The following UBE2O variants were observed in gnomAD, a reference collection of about 807,000 sequenced individuals.
The protein encoded by UBE2O is (E3-independent) E2 ubiquitin-conjugating enzyme.
UBE2O carries 15 observed loss-of-function variants against 125.8 expected under a neutral mutation model. The observed-to-expected ratio is 0.12, with a 90% CI of 0.08 to 0.18. The LOEUF is 0.18. UBE2O is among the 10% of genes least tolerant of loss of function. The probability of loss-of-function intolerance (pLI) is 1.00; values close to 1 mark genes in which losing one functional copy is unlikely to be tolerated. For synonymous variants in UBE2O, 708 were observed against 703.2 expected (o/e 1.01, Z -0.11); for missense variants, 1,280 against 1,723.6 (o/e 0.74, Z 4.56).
chr17:76,401,332 C>T (rs572458839), intron 5 of UBE2O, among the ~76,000 whole-genome samples, 178 bp from the exon 6 acceptor site: 2 of 152,312 alleles, frequency 1.3e-5, no homozygotes, highest in Non-Finnish European at 2.9e-5. Context: ...CCTGGGTCCG[C>T]AGAGGTCATC....
chr17:76,412,990 T>C (rs922065180), intron 1 of UBE2O, among the ~76,000 whole-genome samples: 4 of 152,064 alleles, frequency 2.6e-5, no homozygotes, highest in African/African-American at 9.7e-5. Context: ...CCTAGGTGAC[T>C]GGAAGACAGG....
At chr17:76,445,916 G>C (rs2073143047) in intron 1 of UBE2O, among the ~76,000 whole-genome samples, 1 of 152,166 alleles carries the variant, frequency 6.6e-6, no homozygotes, top group Admixed American at 6.5e-5. Context: ...AATGTGGATG[G>C]GCAGCATTTA....
In UBE2O at chr17:76,389,572, G is replaced by A. The variant is rs1192542392; in HGVS notation, c.*1371C>T. On this transcript the variant is annotated 3_prime_UTR_variant, in exon 18 of 18. Coordinates refer to ENST00000319380, the MANE Select transcript of UBE2O (RefSeq NM_022066.4). ...GTTTAATCACACAGCACTTTATACAGATATCGTAAGCAGTAGGCATTCACA... is the reference window on the plus strand; with the variant it reads ...GTTTAATCACACAGCACTTTATACAAATATCGTAAGCAGTAGGCATTCACA... 6.7e-6 allele frequency: 1 copy of A among 148,880 alleles called. No individual in the cohort carries two copies. Among genetic ancestry groups the A allele is most frequent in the Non-Finnish European group, 1.5e-5 (1 of 67,638 alleles). The allele number at this position is 148,880 out of a possible 1,614,324, so 9.2% of individuals were successfully genotyped here.
intron 1 of UBE2O, among the ~76,000 whole-genome samples, chr17:76,447,842 G>C: frequency 6.6e-6 from 1 of 152,148 alleles, no homozygotes; most frequent in East Asian, 1.9e-4. Context: ...CTTTCTCATG[G>C]AAGTGATCTT....
intron 1 of UBE2O, among the ~76,000 whole-genome samples, chr17:76,435,591 C>A (rs2072983697): frequency 1.3e-5 from 2 of 152,188 alleles, no homozygotes; most frequent in South Asian, 4.1e-4. Flanking sequence ...GCAGCAGTGA[C>A]CACTGGTCAG....
intron 1 of UBE2O, among the ~76,000 whole-genome samples, chr17:76,407,861 C>T (rs1272896680): frequency 1.3e-5 from 2 of 152,226 alleles, no homozygotes; most frequent in African/African-American, 4.8e-5. Flanking sequence ...GATGCTGCCT[C>T]CAGGGGCTCT....
At position 76,391,165 on chromosome 17, in the gene UBE2O, A is replaced by T. The variant is rs2072105482; in HGVS notation, c.3657T>A (p.Thr1219=). Residue 1219 remains threonine (T), a synonymous_variant, in exon 18 of 18, where the codon ACT becomes ACA. Coordinates refer to ENST00000319380, the MANE Select transcript of UBE2O (RefSeq NM_022066.4). This position sits in a 1 kb window ranked among gnomAD's most constrained non-coding sequence, Gnocchi z 8.4. ...CCGATGCGTCTGGTGCGGTCTCCGA[A>T]GTCTGGTCTGTGTGGTCCCTGCTAG... ...ASASRDHTDQ[T]SETAPDASVP... 9 of 1,613,596 alleles carry T rather than the reference A, an allele frequency of 5.6e-6. No homozygotes were observed. The highest frequency in any genetic ancestry group is 1.7e-4 in the Middle Eastern group (1 of 6,060).
intron 1 of UBE2O, among the ~76,000 whole-genome samples, chr17:76,442,282 C>G (rs1454763178): frequency 6.6e-6 from 1 of 152,162 alleles, no homozygotes; most frequent in African/African-American, 2.4e-5. Flanking sequence ...GCCCATACGT[C>G]CCAGTCCTGG....
At chr17:76,444,549 A>G (rs2073125060) in intron 1 of UBE2O, among the ~76,000 whole-genome samples, 1 of 152,206 alleles carries the variant, frequency 6.6e-6, no homozygotes, top group Non-Finnish European at 1.5e-5. Flanking sequence ...CAAAATGAGG[A>G]CAAGGACTGA....
At chr17:76,438,623 G>C (rs1336199854) in intron 1 of UBE2O, among the ~76,000 whole-genome samples, 1 of 152,024 alleles carries the variant, frequency 6.6e-6, no homozygotes, top group Non-Finnish European at 1.5e-5. Flanking sequence ...CTTTATTACT[G>C]TTCTCTTAGG....
At chr17:76,411,462 C>T (rs1399057272) in intron 1 of UBE2O, among the ~76,000 whole-genome samples, 1 of 152,112 alleles carries the variant, frequency 6.6e-6, no homozygotes, top group Non-Finnish European at 1.5e-5. Flanking sequence ...TAAATGGGCT[C>T]CCAGTTCAAA....
Position 76,398,758 on chromosome 17 carries a change from C to T in UBE2O, c.1783+79G>A. 2 of 1,560,226 alleles carry T rather than the reference C, an allele frequency of 1.3e-6. No homozygotes were observed. Among genetic ancestry groups the T allele is most frequent in the African/African-American group, 1.3e-5 (1 of 74,118 alleles). On this transcript the variant is annotated intron_variant, in intron 10 of 17. Coordinates refer to ENST00000319380, the MANE Select transcript of UBE2O (RefSeq NM_022066.4). The surrounding 1 kb of genome is among the most constrained non-coding windows in gnomAD (Gnocchi z 5.4). ...CATTTTAGCTCTGACCCCAGATCCA[C>T]TGCCCATTCTCCACAAGCCCCAACC...
In UBE2O at chr17:76,402,040, G is replaced by A; in HGVS notation, c.750+24C>T. ...GAGGACTGAGCAATCAGAGAAGGGT[G>A]CTGGCCTGGATGGAGCACACTACCG... On this transcript the variant is annotated intron_variant, in intron 5 of 17. Transcript: ENST00000319380. This position sits in a 1 kb window ranked among gnomAD's most constrained non-coding sequence, Gnocchi z 5.4. The A allele has an allele frequency of 6.2e-7, 1 of 1,612,276 alleles. No homozygotes were observed. The highest frequency in any genetic ancestry group is 8.5e-7 in the Non-Finnish European group (1 of 1,179,356).
At position 76,402,286 on chromosome 17, in the gene UBE2O, G is replaced by A. The variant is rs1341054885; in HGVS notation, c.687-159C>T. On this transcript the variant is annotated intron_variant, in intron 4 of 17. Coordinates refer to ENST00000319380, the MANE Select transcript of UBE2O (RefSeq NM_022066.4). This position sits in a 1 kb window ranked among gnomAD's most constrained non-coding sequence, Gnocchi z 5.4. The stretch of plus-strand genomic sequence containing the variant: ...GTAGTACAAGAAACTCTCCCACAAC[G>A]AACAAGACCCCAAGTGCCACTGGAG... Among the ~76,000 whole-genome samples the A allele has an allele frequency of 2.6e-5, 4 of 152,102 alleles. No homozygotes were observed. The highest frequency in any genetic ancestry group is 5.9e-5 in the Non-Finnish European group (4 of 68,012).
chr17:76,396,015 G>C lies in UBE2O; in HGVS notation c.2809+113C>G, dbSNP rs148214694. ...ACACAGGGAAATGGTTTGCCCTGGG[G>C]CAGTAGCTGGGGTCTGGCGAGGGGA... On this transcript the variant is annotated intron_variant, in intron 14 of 17. Coordinates refer to ENST00000319380, the MANE Select transcript of UBE2O (RefSeq NM_022066.4). The surrounding 1 kb of genome is among the most constrained non-coding windows in gnomAD (Gnocchi z 6.7). The C allele has an allele frequency of 6.5e-5, 96 of 1,474,452 alleles. No homozygotes were observed. The African/African-American group carries it at 1.1e-3, about 17-fold the overall frequency. 91.3% of individuals were successfully genotyped at this position (1,474,452 alleles called of 1,614,324 possible). A position where few individuals can be genotyped will look rare whatever the true frequency, so the allele number is the denominator to read the frequency against.
intron 1 of UBE2O, among the ~76,000 whole-genome samples, chr17:76,415,308 C>A (rs1598600686): frequency 6.6e-6 from 1 of 152,204 alleles, no homozygotes; most frequent in Non-Finnish European, 1.5e-5. Flanking sequence ...AACCCTATGA[C>A]CCCCACGAAG....
In UBE2O at chr17:76,416,056, T is replaced by C. The variant is rs8076798; in HGVS notation, c.418-10484A>G. ...ATATATGTGTGTGTACATATGTACA[T>C]ACACGTATATACGTATGTGTATACA... On this transcript the variant is annotated intron_variant, in intron 1 of 17. Transcript: ENST00000319380. Among the ~76,000 whole-genome samples, 414 of 151,770 alleles carry C rather than the reference T, an allele frequency of 2.7e-3. 2 individuals carry two copies. Among genetic ancestry groups the C allele is most frequent in the African/African-American group, 9.3e-3 (384 of 41,302 alleles).
chr17:76,416,556 C>T (rs1013980198), intron 1 of UBE2O, among the ~76,000 whole-genome samples: 4 of 152,158 alleles, frequency 2.6e-5, no homozygotes, highest in African/African-American at 9.7e-5. Context: ...CTGCTCTCAG[C>T]CATGACAGAC....
intron 1 of UBE2O, among the ~76,000 whole-genome samples, chr17:76,419,093 G>C (rs982769517): frequency 8.0e-5 from 12 of 150,688 alleles, no homozygotes; most frequent in Non-Finnish European, 1.8e-4. Context: ...GAACCAGCCT[G>C]GGCAACCTAG....
Sources: gnomAD v4.1 joint callset for allele counts (sites outside exome capture counted in the v4.1 genomes callset) on GRCh38, gnomAD v4.1.1 for gene constraint, Gnocchi (gnomAD v3.1) non-coding constraint, MANE v1.5 for transcripts, NCBI Gene and HGNC (gene_info 2026-07-23, HGNC 2026-07-21) for gene names.